PHF6: variants seen among roughly 807,000 people sequenced by gnomAD.
PHF6 encodes the protein PHD finger protein 6.
In PHF6, 7 loss-of-function variants were observed where a neutral mutation model predicts 34.0. The ratio of observed to expected loss-of-function variants is 0.21; its 90% CI spans 0.12 to 0.39. PHF6 has a LOEUF of 0.39. PHF6 is among the 10% of genes least tolerant of loss of function. The pLI is 1.00. For missense variants in PHF6, 128 were observed against 262.8 expected, an observed-to-expected ratio of 0.49 and a Z score of 3.55; for synonymous variants, 89 against 88.4, an observed-to-expected ratio of 1.01 and a Z score of -0.04.
Position 134,428,170 on chromosome X carries a change from C to CT in PHF6, c.*2510_*2511insT. On this transcript the variant is annotated 3_prime_UTR_variant, in exon 11 of 11. Coordinates refer to ENST00000370803, the MANE Select transcript of PHF6 (RefSeq NM_001015877.2). ...TTGATATTAAACAGTGTAATCTTTG[C>CT]AAGCGTATATTGAAGATTATTCTGG... The CT allele has an allele frequency of 6.8e-6, 1 of 147,354 alleles. No homozygotes were observed. Among genetic ancestry groups the CT allele is most frequent in the Non-Finnish European group, 1.3e-5 (1 of 75,900 alleles). The allele number at this position is 147,354 out of a possible 1,213,427, so 12.1% of individuals were successfully genotyped here. A position where few individuals can be genotyped will look rare whatever the true frequency, so the allele number is the denominator to read the frequency against.
intron 1 of PHF6, among the ~76,000 whole-genome samples, chrX:134,374,196 C>A (rs1231191576): frequency 9.0e-6 from 1 of 111,555 alleles, no homozygotes; most frequent in Non-Finnish European, 1.9e-5. Context: ...ATGAACACCA[C>A]GGTATTCTTT....
chrX:134,378,220 G>A (rs1209326203), intron 3 of PHF6, 114 bp downstream of exon 3: 6 of 439,884 alleles, frequency 1.4e-5, no homozygotes, highest in Non-Finnish European at 2.2e-5. Context: ...TAAATTGCAG[G>A]CTTTTCTTTT....
intron 3 of PHF6, among the ~76,000 whole-genome samples, chrX:134,381,568 C>T (rs1352076041): frequency 9.3e-6 from 1 of 107,442 alleles, no homozygotes; most frequent in Admixed American, 1.0e-4. Flanking sequence ...GATCTCGGCT[C>T]ACTGCAACCT....
intron 3 of PHF6, among the ~76,000 whole-genome samples, chrX:134,382,983 G>A (rs756073991): frequency 1.8e-5 from 2 of 110,824 alleles, no homozygotes; most frequent in South Asian, 7.7e-4. Flanking sequence ...TGGCTGACAC[G>A]TGTAATCCTA....
Position 134,426,271 on chromosome X carries a change from A to G in PHF6, c.*611A>G, listed in dbSNP as rs17317724. ...CTCAGGCAACTGGTAATGATAAGCTATGAGCTCCAGTGCTTTTGCCAAAAT... is the reference window on the plus strand; with the variant it reads ...CTCAGGCAACTGGTAATGATAAGCTGTGAGCTCCAGTGCTTTTGCCAAAAT... On this transcript the variant is annotated 3_prime_UTR_variant, in exon 11 of 11. Coordinates refer to ENST00000370803, the MANE Select transcript of PHF6 (RefSeq NM_001015877.2). The G allele has an allele frequency of 0.082, 13,233 of 161,410 alleles. 522 individuals carry two copies. Among genetic ancestry groups the G allele is most frequent in the Non-Finnish European group, 0.11 (8,818 of 83,063 alleles). 13.3% of individuals were successfully genotyped at this position (161,410 alleles called of 1,213,427 possible). A position where few individuals can be genotyped will look rare whatever the true frequency, so the allele number is the denominator to read the frequency against.
intron 1 of PHF6, among the ~76,000 whole-genome samples, chrX:134,376,999 GT>G (rs1421059124): frequency 1.8e-5 from 2 of 111,732 alleles, no homozygotes; most frequent in African/African-American, 3.2e-5. Flanking sequence ...GTATTCTGAA[GT>G]TTCCTTAGTA....
intron 9 of PHF6, chrX:134,418,489 C>T (rs2077479892): frequency 9.0e-6 from 1 of 111,385 alleles, no homozygotes; most frequent in Non-Finnish European, 1.9e-5. Context: ...AAAGCACTTC[C>T]TTACTCTCAC....
chrX:134,402,156 C>T (rs950298989), intron 5 of PHF6, among the ~76,000 whole-genome samples: 18 of 111,390 alleles, frequency 1.6e-4, no homozygotes, highest in African/African-American at 5.6e-4. Context: ...CCACCACGCC[C>T]AGCTAATTTT....
chrX:134,391,971 G>A (rs1038365989), intron 3 of PHF6, among the ~76,000 whole-genome samples: 2 of 111,691 alleles, frequency 1.8e-5, no homozygotes, highest in East Asian at 2.8e-4. Flanking sequence ...TGAAGTTTCT[G>A]TATTTATTTA....
chrX:134,420,847 G>A (rs1291726803), intron 9 of PHF6, among the ~76,000 whole-genome samples: 5 of 111,384 alleles, frequency 4.5e-5, no homozygotes, highest in African/African-American at 1.6e-4. Flanking sequence ...ACCCACCTGA[G>A]CCTCCCAAAG....
intron 9 of PHF6, chrX:134,418,531 G>T (rs1465547017): frequency 9.0e-6 from 1 of 111,419 alleles, no homozygotes; most frequent in Admixed American, 9.6e-5. Context: ...AATGACTTCC[G>T]GGTCTAGTAT....
chrX:134,393,978 C>T, intron 5 of PHF6, 26 bp downstream of exon 5: 1 of 1,199,431 alleles, frequency 8.3e-7, no homozygotes, highest in Non-Finnish European at 1.1e-6. Context: ...ACGTTTCAGC[C>T]ACTTTTCAGT....
At chrX:134,392,077 T>C (rs757276856) in intron 3 of PHF6, among the ~76,000 whole-genome samples, 5 of 112,016 alleles carry the variant, frequency 4.5e-5, no homozygotes, top group Non-Finnish European at 9.4e-5. Flanking sequence ...TTCTGACATA[T>C]GAATATTTTT....
intron 3 of PHF6, among the ~76,000 whole-genome samples, chrX:134,391,917 CT>C (rs1449144491): frequency 2.7e-5 from 3 of 111,702 alleles, no homozygotes; most frequent in Non-Finnish European, 5.6e-5. Context: ...AAAGCTTTGC[CT>C]TCTTGATAAT....
chrX:134,388,286 A>C (rs1012828731), intron 3 of PHF6, among the ~76,000 whole-genome samples: 4 of 111,515 alleles, frequency 3.6e-5, no homozygotes, highest in Non-Finnish European at 5.6e-5. Context: ...AGGTAGTATT[A>C]CCTGTTATTA....
chrX:134,412,912 C>A (rs1178694962), intron 5 of PHF6, among the ~76,000 whole-genome samples: 2 of 111,592 alleles, frequency 1.8e-5, no homozygotes, highest in Non-Finnish European at 3.8e-5. Context: ...TTTGTTCATT[C>A]AGTTTTCATG....
intron 3 of PHF6, among the ~76,000 whole-genome samples, chrX:134,390,809 A>G (rs2077349842): frequency 9.0e-6 from 1 of 110,936 alleles, no homozygotes; most frequent in African/African-American, 3.3e-5. Flanking sequence ...TGGGTTCATA[A>G]TTCACATAGT....
At chrX:134,424,019 G>A (rs2077500133) in intron 9 of PHF6, among the ~76,000 whole-genome samples, 1 of 108,640 alleles carries the variant, frequency 9.2e-6, no homozygotes, top group Admixed American at 1.0e-4. Context: ...TAAATGATGA[G>A]TTAACGGGTG....
chrX:134,383,933 G>A (rs2077319020), intron 3 of PHF6, among the ~76,000 whole-genome samples: 1 of 111,887 alleles, frequency 8.9e-6, no homozygotes, highest in South Asian at 3.7e-4. Flanking sequence ...CTGAATTTAG[G>A]ACATAATCAG....
Sources: gnomAD v4.1 joint callset for allele counts (sites outside exome capture counted in the v4.1 genomes callset) on GRCh38, gnomAD v4.1.1 for gene constraint, MANE v1.5 for transcripts, NCBI Gene and HGNC (gene_info 2026-07-23, HGNC 2026-07-21) for gene names.